The following NDRG3 variants were observed in gnomAD, a reference collection of about 807,000 sequenced individuals.
NDRG3 encodes protein NDRG3.
A neutral mutation model predicts 57.2 loss-of-function variants in NDRG3; 23 were observed. That is an observed-to-expected ratio of 0.40 (90% CI 0.29 to 0.57). NDRG3 has a LOEUF of 0.57. NDRG3 is among the 20% of genes least tolerant of loss of function. The pLI is 0.42. For synonymous variants in NDRG3, 132 were observed against 162.6 expected, an observed-to-expected ratio of 0.81 and a Z score of 1.43; for missense variants, 384 against 457.3, an observed-to-expected ratio of 0.84 and a Z score of 1.46.
intron 1 of NDRG3, among the ~76,000 whole-genome samples, chr20:36,739,909 CAAAAA>C (rs774462877): frequency 7.2e-5 from 3 of 41,598 alleles, no homozygotes; most frequent in Non-Finnish European, 1.6e-4. Flanking sequence ...GACTCCGTCT[CAAAAA>C]AAAAAAAAAA....
chr20:36,738,169 T>C (rs368591052), intron 1 of NDRG3, among the ~76,000 whole-genome samples: 1 of 152,040 alleles, frequency 6.6e-6, no homozygotes, highest in Non-Finnish European at 1.5e-5. Context: ...GGAAATGCAA[T>C]ACAACCTGTG....
At chr20:36,693,141 T>TATATATATATATATACAC (rs1323122806) in intron 3 of NDRG3, among the ~76,000 whole-genome samples, 1 of 34,582 alleles carries the variant, frequency 2.9e-5, no homozygotes, top group Non-Finnish European at 5.6e-5. Context: ...TATATATATA[T>TATATATATATATATACAC]ACACACACAC....
intron 1 of NDRG3, among the ~76,000 whole-genome samples, chr20:36,723,876 T>C (rs1600957031): frequency 6.6e-6 from 1 of 151,970 alleles, no homozygotes; most frequent in Non-Finnish European, 1.5e-5. Context: ...CCAGCTAATT[T>C]TTGTATTTTT....
intron 15 of NDRG3, among the ~76,000 whole-genome samples, chr20:36,655,851 A>G (rs1978605723): frequency 6.6e-6 from 1 of 152,134 alleles, no homozygotes; most frequent in Non-Finnish European, 1.5e-5. Flanking sequence ...TTAAGAATAT[A>G]TAGGTTGGGC....
Position 36,721,754 on chromosome 20 carries a change from T to C in NDRG3, c.-19A>G. On this transcript the variant is annotated 5_prime_UTR_variant, in exon 2 of 16. Coordinates refer to ENST00000349004, the MANE Select transcript of NDRG3 (RefSeq NM_032013.4). ...CATCCATGAGGTCAGATAACGAGAG[T>C]AGAGGAATCTCAAGAATAAATCAGT... 1 of 1,574,920 alleles carries C rather than the reference T, an allele frequency of 6.3e-7. No individual in the cohort carries two copies. Among genetic ancestry groups the C allele is most frequent in the Middle Eastern group, 1.7e-4 (1 of 5,962 alleles).
intron 8 of NDRG3, among the ~76,000 whole-genome samples, chr20:36,677,272 C>G (rs756269890): frequency 6.6e-6 from 1 of 152,160 alleles, no homozygotes; most frequent in South Asian, 2.1e-4. Flanking sequence ...ATGAATGGAG[C>G]GGGACGCAGG....
At chr20:36,715,965 G>T (rs544875128) in intron 2 of NDRG3, among the ~76,000 whole-genome samples, 1 of 149,754 alleles carries the variant, frequency 6.7e-6, no homozygotes, top group East Asian at 2.0e-4. Context: ...AATACAAAAC[G>T]TAGCCAGGCA....
chr20:36,712,585 A>ATTTT (rs1273225549), intron 2 of NDRG3, among the ~76,000 whole-genome samples: 69 of 8,470 alleles, frequency 8.1e-3, no homozygotes, highest in African/African-American at 9.9e-3. Flanking sequence ...ATATATATAT[A>ATTTT]TATTTTTTTT....
intron 1 of NDRG3, among the ~76,000 whole-genome samples, chr20:36,742,303 T>C (rs577153683): frequency 6.6e-6 from 1 of 152,268 alleles, no homozygotes; most frequent in East Asian, 1.9e-4. Flanking sequence ...AGAATCATAA[T>C]AGAGTTGCTA....
chr20:36,681,001 A>C lies in NDRG3; in HGVS notation c.445-99T>G. Reference sequence around the variant, plus strand: ...GATCAATTCTTACTTACATGCCTTAATGCCTCACATTTGAAAGTAAGACTA... The same window carrying C: ...GATCAATTCTTACTTACATGCCTTACTGCCTCACATTTGAAAGTAAGACTA... On this transcript the variant is annotated intron_variant, in intron 7 of 15. Transcript: ENST00000349004. 4 of 881,940 alleles carry C rather than the reference A, an allele frequency of 4.5e-6. No homozygotes were observed. In the South Asian group the frequency reaches 6.2e-5, roughly 14 times the overall value. The allele number at this position is 881,940 out of a possible 1,614,324, so 54.6% of individuals were successfully genotyped here.
chr20:36,653,881 C>G lies in NDRG3; in HGVS notation c.947-180G>C, dbSNP rs146022509. ...CTAGGTGAGTGGCGATATGTGAGGC[C>G]ACTTTAATCCTTTAGATCTGGTTGG... is the stretch of plus-strand genomic sequence containing the variant. On this transcript the variant is annotated intron_variant, in intron 15 of 15. Transcript: ENST00000349004. The surrounding 1 kb of genome is among the most constrained non-coding windows in gnomAD (Gnocchi z 4.2). Among the ~76,000 whole-genome samples the G allele has an allele frequency of 6.6e-6, 1 of 152,246 alleles. No homozygotes were observed. Among genetic ancestry groups the G allele is most frequent in the East Asian group, 1.9e-4 (1 of 5,186 alleles).
At chr20:36,674,101 C>T (rs1029011952) in intron 8 of NDRG3, among the ~76,000 whole-genome samples, 6 of 152,002 alleles carry the variant, frequency 3.9e-5, no homozygotes, top group African/African-American at 7.2e-5. Flanking sequence ...AGTGAAACTC[C>T]GTCTCAAAAA....
chr20:36,695,263 G>C (rs998922261), intron 3 of NDRG3, among the ~76,000 whole-genome samples: 7 of 152,088 alleles, frequency 4.6e-5, no homozygotes, highest in African/African-American at 1.7e-4. Context: ...TGATGATTGC[G>C]TTAACTGCAC....
At position 36,653,359 on chromosome 20, in the gene NDRG3, T is replaced by C. The variant is rs1184498458; in HGVS notation, c.*161A>G. ...TTCTTGGGCTATACAAAAAAGGGGG[T>C]GGGCAGGCAGAGAGAATGATAAATC... On this transcript the variant is annotated 3_prime_UTR_variant, in exon 16 of 16. Transcript: ENST00000349004. The surrounding 1 kb of genome is among the most constrained non-coding windows in gnomAD (Gnocchi z 4.2). The C allele has an allele frequency of 8.3e-6, 5 of 605,878 alleles. No individual in the cohort carries two copies. Among genetic ancestry groups the C allele is most frequent in the Non-Finnish European group, 1.4e-5 (5 of 355,920 alleles). 37.5% of individuals were successfully genotyped at this position (605,878 alleles called of 1,614,324 possible).
At chr20:36,680,967 A>G in intron 7 of NDRG3, 65 bp from the exon 8 acceptor site, 2 of 1,343,840 alleles carry the variant, frequency 1.5e-6, no homozygotes, top group South Asian at 2.4e-5. Context: ...AAACAGTTGG[A>G]ACATGGTTGA....
In NDRG3 at chr20:36,653,699, G is replaced by A; in HGVS notation, c.949C>T (p.Pro317Ser). 8.1e-6 allele frequency: 13 copies of A among 1,612,864 alleles called. No homozygotes were observed. The highest frequency in any genetic ancestry group is 1.0e-5 in the Non-Finnish European group (12 of 1,179,892). Residue 317 changes from proline (P) to serine (S), a missense_variant and splice_region_variant, in exon 16 of 16, where the codon CCA becomes TCA. Pro to Ser is a moderately conservative substitution (Grantham distance 74). Transcript: ENST00000349004. The surrounding 1 kb of genome is among the most constrained non-coding windows in gnomAD (Gnocchi z 4.2). Reference sequence around the variant, plus strand: ...GCGAGCCGAGTCATGCTGGCAGATGGTACTGTAACAGAGAACCAAGGGGAC... The same window carrying A: ...GCGAGCCGAGTCATGCTGGCAGATGATACTGTAACAGAGAACCAAGGGGAC... The part of the protein sequence containing the change: ...KYFLQGMGYI[P>S]SASMTRLARS...
Position 36,695,079 on chromosome 20 carries a change from T to C in NDRG3, c.94-6295A>G, listed in dbSNP as rs146361108. On this transcript the variant is annotated intron_variant, in intron 3 of 15. Transcript: ENST00000349004. ...TTGTTAGTTCTCCAAATTAATACTT[T>C]TACAATTTCTTATGCCAGTCTTTAC... 7.2e-5 allele frequency among the ~76,000 whole-genome samples: 11 copies of C among 152,362 alleles called. No individual in the cohort carries two copies. In the East Asian group the frequency reaches 1.5e-3, roughly 21 times the overall value.
chr20:36,719,140 G>A (rs1263998605), intron 2 of NDRG3, among the ~76,000 whole-genome samples: 5 of 151,976 alleles, frequency 3.3e-5, no homozygotes, highest in Admixed American at 2.6e-4. Context: ...TTAAAAAAGC[G>A]TGCAGTGGCC....
chr20:36,697,045 G>T (rs971681778), intron 3 of NDRG3, among the ~76,000 whole-genome samples: 3 of 152,108 alleles, frequency 2.0e-5, no homozygotes, highest in African/African-American at 7.2e-5. Context: ...TGGGGTTCTG[G>T]GTGGCCAGGG....
Sources: gnomAD v4.1 joint callset for allele counts (sites outside exome capture counted in the v4.1 genomes callset) on GRCh38, gnomAD v4.1.1 for gene constraint, Gnocchi (gnomAD v3.1) non-coding constraint, MANE v1.5 for transcripts, NCBI Gene and HGNC (gene_info 2026-07-23, HGNC 2026-07-21) for gene names.